Variants in LYPLAL1 observed in about 807,000 individuals in gnomAD.
LYPLAL1 encodes the protein lysophospholipase-like protein 1.
Under a neutral mutation model 19.7 loss-of-function variants are expected in LYPLAL1, and 23 were observed. The ratio of observed to expected loss-of-function variants is 1.17; its 90% confidence interval spans 0.84 to 1.65. The LOEUF is 1.65. LYPLAL1 is among the 40% of genes most tolerant of loss of function. LYPLAL1 has a pLI of 0.00. For synonymous variants in LYPLAL1, 119 were observed against 96.3 expected (o/e 1.24, Z -1.38); for missense variants, 355 against 279.4 (o/e 1.27, Z -1.93).
At chr1:219,301,811 A>G in the LYPLAL1 span, among the ~76,000 whole-genome samples, 1 of 151,994 alleles carries the variant, frequency 6.6e-6, no homozygotes, top group Non-Finnish European at 1.5e-5. Flanking sequence ...CTCATTTTTG[A>G]TACCTGATAT....
chr1:219,214,946 T>A (rs1284635345), downstream of LYPLAL1, among the ~76,000 whole-genome samples: 1 of 152,034 alleles, frequency 6.6e-6, no homozygotes, highest in Non-Finnish European at 1.5e-5. Context: ...CACCTTGGCC[T>A]CCCAAAGTGC....
At chr1:219,301,254 TA>T in the LYPLAL1 span, among the ~76,000 whole-genome samples, 1 of 152,160 alleles carries the variant, frequency 6.6e-6, no homozygotes, top group Non-Finnish European at 1.5e-5. Context: ...ACAAAATAAA[TA>T]AACACATACT....
the LYPLAL1 span, among the ~76,000 whole-genome samples, chr1:219,319,265 C>T: frequency 1.3e-5 from 2 of 152,198 alleles, no homozygotes; most frequent in East Asian, 3.9e-4. Context: ...CCTTCAGAAA[C>T]TCAGAGGAAA....
chr1:219,221,921 C>G, the LYPLAL1 span, among the ~76,000 whole-genome samples: 2 of 152,164 alleles, frequency 1.3e-5, 1 homozygote, highest in South Asian at 4.1e-4. Context: ...GGGCTCAACA[C>G]TCACGTTATG....
At chr1:219,439,001 T>G in the LYPLAL1 span, among the ~76,000 whole-genome samples, 1 of 152,180 alleles carries the variant, frequency 6.6e-6, no homozygotes, top group East Asian at 1.9e-4. Context: ...TATAAGATGT[T>G]TCATCCTGCA....
At chr1:219,367,356 T>G in the LYPLAL1 span, among the ~76,000 whole-genome samples, 3 of 152,230 alleles carry the variant, frequency 2.0e-5, no homozygotes, top group Non-Finnish European at 4.4e-5. Context: ...ATCCGATTTT[T>G]CTGAAATAAA....
chr1:219,344,746 G>A, the LYPLAL1 span, among the ~76,000 whole-genome samples: 1 of 152,128 alleles, frequency 6.6e-6, no homozygotes, highest in Non-Finnish European at 1.5e-5. Flanking sequence ...AATGATTGGA[G>A]TTCTCCTTGA....
the LYPLAL1 span, among the ~76,000 whole-genome samples, chr1:219,418,196 C>A: frequency 6.6e-6 from 1 of 152,160 alleles, no homozygotes; most frequent in South Asian, 2.1e-4. Context: ...CTGCCATTTT[C>A]TTTGCTTGTA....
chr1:219,249,737 T>A, the LYPLAL1 span, among the ~76,000 whole-genome samples: 11 of 152,180 alleles, frequency 7.2e-5, no homozygotes, highest in African/African-American at 2.4e-4. Flanking sequence ...GCACTTGTTG[T>A]TTTGCTTTAG....
chr1:219,286,952 A>G, the LYPLAL1 span, among the ~76,000 whole-genome samples: 1 of 152,148 alleles, frequency 6.6e-6, no homozygotes, highest in African/African-American at 2.4e-5. Context: ...GAAGCTAGGG[A>G]ATGGTATGGA....
At chr1:219,387,911 C>T in the LYPLAL1 span, among the ~76,000 whole-genome samples, 4 of 152,150 alleles carry the variant, frequency 2.6e-5, no homozygotes, top group Admixed American at 6.6e-5. Flanking sequence ...GACCTAGATT[C>T]GGTTCTAATT....
At position 219,193,210 on chromosome 1, in the gene LYPLAL1, A is replaced by G. The variant is rs1306340125; in HGVS notation, c.320A>G (p.Glu107Gly). ...CAAGTGCTTACTGATTTGATTGATG[A>G]AGAAGTAAAAAGTGGCATCAAGAAG... ...MCQVLTDLIDEEVKSGIKKNR... is the reference protein window; with the variant it reads ...MCQVLTDLIDGEVKSGIKKNR... Residue 107 changes from glutamate (E) to glycine (G), a missense_variant, in exon 3 of 5, where the codon GAA (glutamate) becomes GGA (glycine). Coordinates refer to ENST00000366928, the MANE Select transcript of LYPLAL1 (RefSeq NM_138794.5). 2 of 1,610,486 alleles carry G rather than the reference A, an allele frequency of 1.2e-6. No individual in the cohort carries two copies. Among genetic ancestry groups the G allele is most frequent in the Non-Finnish European group, 8.5e-7 (1 of 1,177,718 alleles).
chr1:219,217,379 G>GGTGTGTGTGT (rs371579948), downstream of LYPLAL1, among the ~76,000 whole-genome samples: 5,806 of 134,000 alleles, frequency 0.043, 246 homozygotes, highest in African/African-American at 0.099. Context: ...TGCCAGGTTT[G>GGTGTGTGTGT]GTGTGTGTGT....
At chr1:219,350,286 AT>A in the LYPLAL1 span, among the ~76,000 whole-genome samples, 15 of 150,084 alleles carry the variant, frequency 1.0e-4, no homozygotes, top group Middle Eastern at 3.4e-3. Flanking sequence ...CAAGGTTGTT[AT>A]TTTTTTTTTC....
the LYPLAL1 span, among the ~76,000 whole-genome samples, chr1:219,376,482 A>G: frequency 2.6e-5 from 4 of 152,196 alleles, no homozygotes; most frequent in Non-Finnish European, 5.9e-5. Flanking sequence ...CAATTGAATT[A>G]CTGTTGAAAA....
the LYPLAL1 span, among the ~76,000 whole-genome samples, chr1:219,343,721 T>C: frequency 6.6e-6 from 1 of 152,186 alleles, no homozygotes; most frequent in South Asian, 2.1e-4. Context: ...CATTGTGCTT[T>C]ACTTCACTCT....
chr1:219,188,620 C>T (rs571756450), intron 2 of LYPLAL1, among the ~76,000 whole-genome samples: 5 of 150,848 alleles, frequency 3.3e-5, no homozygotes, highest in South Asian at 4.2e-4. Flanking sequence ...AATGAACTTT[C>T]GATTTTATGA....
the LYPLAL1 span, among the ~76,000 whole-genome samples, chr1:219,403,134 C>G: frequency 1.3e-5 from 2 of 152,148 alleles, no homozygotes; most frequent in African/African-American, 4.8e-5. Flanking sequence ...GTCAGAAAGA[C>G]CTGGAAAGCA....
At chr1:219,225,830 A>C in the LYPLAL1 span, among the ~76,000 whole-genome samples, 7 of 152,178 alleles carry the variant, frequency 4.6e-5, no homozygotes, top group African/African-American at 1.7e-4. Context: ...CCCATGTTAC[A>C]GTGCATATGC....
Sources: gnomAD v4.1 joint callset for allele counts (sites outside exome capture counted in the v4.1 genomes callset) on GRCh38, gnomAD v4.1.1 for gene constraint, MANE v1.5 for transcripts, NCBI Gene and HGNC (gene_info 2026-07-23, HGNC 2026-07-21) for gene names.